CSMD1: variants seen among roughly 807,000 people sequenced by gnomAD.
CSMD1 encodes the protein CUB and Sushi multiple domains 1, also known as CUB and sushi domain-containing protein 1.
CSMD1 carries 213 observed loss-of-function variants against 417.5 expected under a neutral mutation model. That is an observed-to-expected ratio of 0.51 (90% CI 0.46 to 0.57). CSMD1 has a LOEUF of 0.57. Among genes scored for constraint, CSMD1 ranks in the 20% least tolerant of loss-of-function variants. The probability of loss-of-function intolerance (pLI) is 0.00; values close to 1 mark genes in which losing one functional copy is unlikely to be tolerated. For missense variants in CSMD1, 6,923 were observed against 4,529.7 expected (o/e 1.53, Z -15.17); for synonymous variants, 2,862 against 1,736.8 (o/e 1.65, Z -16.11).
In CSMD1 at chr8:3,535,631, G is replaced by A. The variant is rs183807497; in HGVS notation, c.1344+39314C>T. ...TATAATGTACCTTATTCAAGTAACA[G>A]ATACCCTAAAAGCTCTGTCTTAACC... is the stretch of plus-strand genomic sequence containing the variant. On this transcript the variant is annotated intron_variant, in intron 10 of 69. Transcript: ENST00000635120. 3.9e-5 allele frequency among the ~76,000 whole-genome samples: 6 copies of A among 152,260 alleles called. No homozygotes were observed. The East Asian group carries it at 9.7e-4, about 24-fold the overall frequency.
At chr8:4,076,455 C>G (rs1224300847) in intron 3 of CSMD1, among the ~76,000 whole-genome samples, 1 of 152,130 alleles carries the variant, frequency 6.6e-6, no homozygotes, top group East Asian at 1.9e-4. Context: ...AATATTTTAA[C>G]TGTAATAGTG....
At chr8:4,054,570 C>A (rs1306374915) in intron 3 of CSMD1, among the ~76,000 whole-genome samples, 1 of 152,096 alleles carries the variant, frequency 6.6e-6, no homozygotes, top group Non-Finnish European at 1.5e-5. Context: ...GAGTTCAACC[C>A]TCTTGGTGGT....
chr8:4,346,230 T>C (rs1269091764), intron 3 of CSMD1, among the ~76,000 whole-genome samples: 1 of 152,178 alleles, frequency 6.6e-6, no homozygotes, highest in Non-Finnish European at 1.5e-5. Context: ...GATTTTTATA[T>C]TTTGAAATGA....
intron 2 of CSMD1, among the ~76,000 whole-genome samples, chr8:4,453,063 T>C (rs1799243858): frequency 6.6e-6 from 1 of 152,120 alleles, no homozygotes; most frequent in South Asian, 2.1e-4. Flanking sequence ...GCTAGGACCA[T>C]GAATGGTGAT....
intron 3 of CSMD1, among the ~76,000 whole-genome samples, chr8:4,193,864 C>T (rs911215698): frequency 2.0e-5 from 3 of 151,840 alleles, no homozygotes; most frequent in Admixed American, 6.6e-5. Context: ...TCTTCAGCAC[C>T]GAGAAGCCTC....
At chr8:4,154,564 G>C (rs1212010003) in intron 3 of CSMD1, among the ~76,000 whole-genome samples, 4 of 152,188 alleles carry the variant, frequency 2.6e-5, no homozygotes, top group African/African-American at 9.6e-5. Context: ...CTAACGCCGT[G>C]AGCTGGGCCA....
At chr8:4,210,787 G>C (rs150918379) in intron 3 of CSMD1, among the ~76,000 whole-genome samples, 5 of 152,050 alleles carry the variant, frequency 3.3e-5, no homozygotes, top group Non-Finnish European at 7.4e-5. Flanking sequence ...GAGTAAATAC[G>C]AGCATATCTA....
intron 3 of CSMD1, among the ~76,000 whole-genome samples, chr8:4,202,039 C>T (rs540693708): frequency 6.6e-6 from 1 of 152,276 alleles, no homozygotes; most frequent in East Asian, 1.9e-4. Flanking sequence ...TGGAATCTCC[C>T]AGTCCTGCTG....
At chr8:4,836,418 C>T (rs950305594) in intron 1 of CSMD1, among the ~76,000 whole-genome samples, 4 of 152,138 alleles carry the variant, frequency 2.6e-5, no homozygotes, top group Admixed American at 2.0e-4. Flanking sequence ...TTATCACCAG[C>T]CAGGGGGAAG....
At chr8:3,682,968 T>C (rs1187493714) in intron 7 of CSMD1, among the ~76,000 whole-genome samples, 4 of 152,086 alleles carry the variant, frequency 2.6e-5, no homozygotes, top group Non-Finnish European at 5.9e-5. Flanking sequence ...ACACTGCATG[T>C]TGTCACTCAT....
chr8:3,922,504 T>C (rs1260132301), intron 5 of CSMD1, among the ~76,000 whole-genome samples: 1 of 152,146 alleles, frequency 6.6e-6, no homozygotes, highest in Admixed American at 6.5e-5. Context: ...TTTGTATTCA[T>C]AGGCTTTGAT....
At chr8:4,500,527 G>A (rs1802208344) in intron 2 of CSMD1, among the ~76,000 whole-genome samples, 1 of 152,080 alleles carries the variant, frequency 6.6e-6, no homozygotes, top group African/African-American at 2.4e-5. Flanking sequence ...TAAGATGAAG[G>A]AATCTACAGA....
At chr8:3,656,983 T>C (rs1174914040) in intron 7 of CSMD1, among the ~76,000 whole-genome samples, 2 of 152,032 alleles carry the variant, frequency 1.3e-5, no homozygotes, top group East Asian at 1.9e-4. Context: ...CAGTGAATTT[T>C]AGGACATGGG....
chr8:3,359,469 C>G, intron 20 of CSMD1, 129 bp from the exon 21 acceptor site: 2 of 676,054 alleles, frequency 3.0e-6, no homozygotes, highest in Non-Finnish European at 4.7e-6. Flanking sequence ...TCCCCAAACA[C>G]TTATAACTGT....
intron 3 of CSMD1, among the ~76,000 whole-genome samples, chr8:4,354,430 G>A (rs1801280365): frequency 2.0e-5 from 3 of 152,250 alleles, no homozygotes; most frequent in Admixed American, 2.0e-4. Flanking sequence ...TAGCATGCTA[G>A]GAGAGAACAC....
intron 5 of CSMD1, among the ~76,000 whole-genome samples, chr8:3,805,038 C>T (rs762222611): frequency 2.0e-5 from 3 of 152,082 alleles, no homozygotes; most frequent in Non-Finnish European, 2.9e-5. Context: ...CATATTCACA[C>T]TGGAATATAA....
At chr8:3,310,808 G>C (rs1278984103) in intron 23 of CSMD1, among the ~76,000 whole-genome samples, 1 of 81,964 alleles carries the variant, frequency 1.2e-5, no homozygotes. Context: ...CAGCACCCAG[G>C]AGGTATCCAC....
intron 1 of CSMD1, among the ~76,000 whole-genome samples, chr8:4,953,709 C>G (rs919034303): frequency 1.3e-5 from 2 of 152,150 alleles, no homozygotes; most frequent in Non-Finnish European, 2.9e-5. Context: ...TTACATGTTG[C>G]TAAATTTGCC....
chr8:3,449,773 C>T (rs891198759), intron 12 of CSMD1, among the ~76,000 whole-genome samples: 2 of 152,180 alleles, frequency 1.3e-5, no homozygotes, highest in South Asian at 2.1e-4. Context: ...CCACCTTGGC[C>T]TCCCAAAGTG....
Sources: allele counts gnomAD v4.1 joint callset (sites outside exome capture counted in the v4.1 genomes callset), GRCh38; gene constraint gnomAD v4.1.1; transcripts MANE v1.5; gene names NCBI Gene and HGNC (gene_info 2026-07-23, HGNC 2026-07-21).